The following ANXA10 variants were observed in gnomAD, a reference collection of about 807,000 sequenced individuals.
The protein encoded by ANXA10 is annexin 14.
Under a neutral mutation model 53.5 loss-of-function variants are expected in ANXA10, and 49 were observed. The ratio of observed to expected loss-of-function variants is 0.92; its 90% CI spans 0.73 to 1.16. The LOEUF (loss-of-function observed/expected upper bound fraction) is 1.16. ANXA10 is among the 50% of genes most tolerant of loss of function. The pLI is 0.00. For synonymous variants in ANXA10, 131 were observed against 128.9 expected, an observed-to-expected ratio of 1.02 and a Z score of -0.11; for missense variants, 393 against 394.4, an observed-to-expected ratio of 1.00 and a Z score of 0.03.
chr4:168,137,959 C>CTT (rs773199047), intron 2 of ANXA10, among the ~76,000 whole-genome samples: 34 of 139,210 alleles, frequency 2.4e-4, no homozygotes, highest in Non-Finnish European at 2.8e-4. Context: ...GTTATTTTAA[C>CTT]TTTTTTTTTT....
At chr4:168,153,861 C>A (rs577115308) in intron 3 of ANXA10, among the ~76,000 whole-genome samples, 1 of 152,262 alleles carries the variant, frequency 6.6e-6, no homozygotes, top group Non-Finnish European at 1.5e-5. Flanking sequence ...AGCCTAAAAA[C>A]CCTACCTCCA....
chr4:168,150,935 T>A (rs770252603), intron 3 of ANXA10, among the ~76,000 whole-genome samples: 8 of 152,094 alleles, frequency 5.3e-5, no homozygotes, highest in Non-Finnish European at 1.2e-4. Context: ...AAAGGGCTGG[T>A]TTCTGGTTAA....
chr4:168,114,723 G>C (rs562511967), intron 1 of ANXA10, among the ~76,000 whole-genome samples: 9 of 151,692 alleles, frequency 5.9e-5, no homozygotes, highest in African/African-American at 2.2e-4. Context: ...GCTTCCACTT[G>C]TAAGTAAGAA....
At chr4:168,132,006 C>T (rs1244464583) in intron 2 of ANXA10, among the ~76,000 whole-genome samples, 1 of 151,962 alleles carries the variant, frequency 6.6e-6, no homozygotes, top group African/African-American at 2.4e-5. Context: ...GAAAAGAGTA[C>T]CCTTGTACAT....
In ANXA10 at chr4:168,177,725, G is replaced by C. The variant is rs1366210222; in HGVS notation, c.481-15G>C. The stretch of plus-strand genomic sequence containing the variant: ...CTAAGAACATTTACATGGAAAACCT[G>C]TGCTTACTTTACAGGGGACCAGAGA... On this transcript the variant is annotated splice_polypyrimidine_tract_variant and intron_variant, in intron 6 of 11. Transcript: ENST00000359299. 10 of 1,613,978 alleles carry C rather than the reference G, an allele frequency of 6.2e-6. No homozygotes were observed. In the East Asian group the frequency reaches 2.2e-4, roughly 36 times the overall value.
chr4:168,148,594 G>C (rs1460573786), intron 3 of ANXA10, among the ~76,000 whole-genome samples: 1 of 152,034 alleles, frequency 6.6e-6, no homozygotes, highest in Non-Finnish European at 1.5e-5. Flanking sequence ...AAATTTTCTA[G>C]GCACATATTA....
Position 168,187,467 on chromosome 4 carries a change from C to T in ANXA10, c.*33C>T. The T allele has an allele frequency of 1.7e-5, 23 of 1,376,220 alleles. No homozygotes were observed. Among genetic ancestry groups the T allele is most frequent in the Non-Finnish European group, 2.3e-5 (23 of 1,002,214 alleles). 85.3% of individuals were successfully genotyped at this position (1,376,220 alleles called of 1,614,324 possible). The stretch of plus-strand genomic sequence containing the variant: ...AGGACTTGGAGTACTGTGCACTCCT[C>T]TTTCTAGACACTTCCAAATAGAGAT... On this transcript the variant is annotated 3_prime_UTR_variant, in exon 12 of 12. Coordinates refer to ENST00000359299, the MANE Select transcript of ANXA10 (RefSeq NM_007193.5).
chr4:168,150,599 A>G (rs1159996068), intron 3 of ANXA10, among the ~76,000 whole-genome samples: 1 of 152,220 alleles, frequency 6.6e-6, no homozygotes, highest in East Asian at 1.9e-4. Context: ...GTGGCTGAAT[A>G]TACATATTCA....
At chr4:168,159,627 A>G (rs1010281661) in intron 3 of ANXA10, among the ~76,000 whole-genome samples, 1 of 152,142 alleles carries the variant, frequency 6.6e-6, no homozygotes, top group Admixed American at 6.6e-5. Context: ...TGTATTTGTC[A>G]TGGAATTTGT....
intron 3 of ANXA10, among the ~76,000 whole-genome samples, chr4:168,155,640 AT>A (rs1731611196): frequency 1.8e-4 from 14 of 76,264 alleles, no homozygotes; most frequent in Admixed American, 5.0e-4. Flanking sequence ...ATAATTATAT[AT>A]AATTATACAT....
rs573145175 is a variant in ANXA10 at position 168,128,100 on chromosome 4, T to C, written c.35T>C (p.Phe12Ser). ...TCCCACCAGGTGCAAGGAACCATCT[T>C]CCCAGCTCCCAATTTCAATCCCATA... ...FCGDYVQGTIFPAPNFNPIMD... is the reference protein window; with the variant it reads ...FCGDYVQGTISPAPNFNPIMD... Residue 12 changes from phenylalanine to serine, a missense_variant, in exon 2 of 12, where the codon TTC (phenylalanine) becomes TCC (serine). Physicochemically the swap from Phe to Ser is radical, Grantham distance 155. Coordinates refer to ENST00000359299, the MANE Select transcript of ANXA10 (RefSeq NM_007193.5). 1 of 1,613,392 alleles carries C rather than the reference T, an allele frequency of 6.2e-7. No individual in the cohort carries two copies. Among genetic ancestry groups the C allele is most frequent in the East Asian group, 2.2e-5 (1 of 44,864 alleles).
At chr4:168,135,543 G>A (rs1489014578) in intron 2 of ANXA10, among the ~76,000 whole-genome samples, 2 of 152,200 alleles carry the variant, frequency 1.3e-5, no homozygotes, top group East Asian at 3.8e-4. Flanking sequence ...AAAAGTTAAT[G>A]TCATATTGCT....
At chr4:168,166,922 A>T (rs1179608314) in intron 6 of ANXA10, among the ~76,000 whole-genome samples, 2 of 152,174 alleles carry the variant, frequency 1.3e-5, no homozygotes, top group East Asian at 3.8e-4. Context: ...AGAAGGATCT[A>T]TAGTCCAGGT....
chr4:168,126,139 A>C (rs1000901365), intron 1 of ANXA10, among the ~76,000 whole-genome samples: 3 of 152,104 alleles, frequency 2.0e-5, no homozygotes, highest in Admixed American at 2.0e-4. Flanking sequence ...TCATGCATAT[A>C]AAAAGGGCAT....
intron 1 of ANXA10, 41 bp from the exon 2 acceptor site, chr4:168,128,043 A>G (rs1731100518): frequency 4.5e-6 from 7 of 1,544,004 alleles, no homozygotes; most frequent in Non-Finnish European, 6.3e-6. Context: ...AAACATTAAC[A>G]TGAATTATTA....
chr4:168,175,078 A>T (rs1227786565), intron 6 of ANXA10, among the ~76,000 whole-genome samples: 8 of 152,192 alleles, frequency 5.3e-5, no homozygotes, highest in Non-Finnish European at 2.9e-5. Context: ...ATGATCAAAG[A>T]CTGACTACTT....
At chr4:168,178,128 T>C (rs1415040025) in intron 8 of ANXA10, 145 bp downstream of exon 8, 14 of 683,448 alleles carry the variant, frequency 2.0e-5, no homozygotes, top group Middle Eastern at 8.2e-4. Flanking sequence ...ATTTTGTTTA[T>C]AAGATGTGCC....
rs746140896 is a variant in ANXA10 at position 168,173,928 on chromosome 4, C to G, written c.481-3812C>G. On this transcript the variant is annotated intron_variant, in intron 6 of 11. Coordinates refer to ENST00000359299, the MANE Select transcript of ANXA10 (RefSeq NM_007193.5). ...ACAAACCAATCAGCACATACCCCCC[C>G]ATTCTGAGCCCATAAAAACGCTGGA... Among the ~76,000 whole-genome samples the G allele has an allele frequency of 2.0e-5, 3 of 152,258 alleles. No individual in the cohort carries two copies. In the East Asian group the frequency reaches 5.8e-4, roughly 29 times the overall value.
chr4:168,154,455 T>C (rs1214650111), intron 3 of ANXA10, among the ~76,000 whole-genome samples: 1 of 152,150 alleles, frequency 6.6e-6, no homozygotes, highest in Non-Finnish European at 1.5e-5. Flanking sequence ...TCATATAATG[T>C]GGTCACTGAA....
Sources: gnomAD v4.1 joint callset for allele counts (sites outside exome capture counted in the v4.1 genomes callset) on GRCh38, gnomAD v4.1.1 for gene constraint, MANE v1.5 for transcripts, NCBI Gene and HGNC (gene_info 2026-07-23, HGNC 2026-07-21) for gene names.